SGCZ: variants seen among roughly 807,000 people sequenced by gnomAD.
SGCZ encodes zeta-sarcoglycan.
In SGCZ, 40 loss-of-function variants were observed where a neutral mutation model predicts 41.3. The observed-to-expected ratio is 0.97, with a 90% CI of 0.75 to 1.26. The LOEUF is 1.26. Ranked by LOEUF, SGCZ falls within the 50% of genes most tolerant of loss-of-function variation. The pLI is 0.00. For synonymous variants in SGCZ, 206 were observed against 137.5 expected (o/e 1.50, Z -3.49); for missense variants, 552 against 369.8 (o/e 1.49, Z -4.04).
intron 1 of SGCZ, among the ~76,000 whole-genome samples, chr8:14,748,458 G>A (rs1474141062): frequency 6.6e-6 from 1 of 152,128 alleles, no homozygotes; most frequent in Non-Finnish European, 1.5e-5. Flanking sequence ...GTCAGAGCAA[G>A]AATTTTGCCC....
chr8:14,554,547 C>T (rs1443944405), intron 2 of SGCZ, among the ~76,000 whole-genome samples, 185 bp downstream of exon 2: 3 of 151,964 alleles, frequency 2.0e-5, no homozygotes, highest in Non-Finnish European at 2.9e-5. Context: ...GTAGTAATAG[C>T]ATACGTGTGT....
intron 5 of SGCZ, among the ~76,000 whole-genome samples, chr8:14,156,078 G>A (rs1256933455): frequency 1.3e-5 from 2 of 152,064 alleles, no homozygotes; most frequent in Admixed American, 6.6e-5. Context: ...TGGATGAGTC[G>A]GTGAGTGGTG....
chr8:14,360,157 T>C (rs1803456039), intron 2 of SGCZ, among the ~76,000 whole-genome samples: 1 of 152,068 alleles, frequency 6.6e-6, no homozygotes, highest in Non-Finnish European at 1.5e-5. Context: ...GCTAGTATCA[T>C]ACTTAATGGA....
chr8:14,593,329 C>T (rs1320781329), intron 1 of SGCZ, among the ~76,000 whole-genome samples: 2 of 152,124 alleles, frequency 1.3e-5, no homozygotes, highest in African/African-American at 2.4e-5. Flanking sequence ...GAAATGTAGG[C>T]TGACTTTAGA....
chr8:14,493,213 T>G (rs1054718860), intron 2 of SGCZ, among the ~76,000 whole-genome samples: 1 of 152,012 alleles, frequency 6.6e-6, no homozygotes, highest in Non-Finnish European at 1.5e-5. Context: ...AAATCTGTTC[T>G]TTGTATTTCT....
chr8:14,675,570 T>A (rs923860724), intron 1 of SGCZ, among the ~76,000 whole-genome samples: 6 of 152,208 alleles, frequency 3.9e-5, no homozygotes, highest in African/African-American at 1.4e-4. Flanking sequence ...TGAGAAAATA[T>A]GTTAAATTAC....
intron 3 of SGCZ, among the ~76,000 whole-genome samples, chr8:14,287,307 C>G (rs890541): frequency 0.15 from 22,603 of 151,646 alleles, 1,856 homozygotes; most frequent in Admixed American, 0.22. Flanking sequence ...CAATGTCATA[C>G]TGGGTGTTAT....
At chr8:14,776,047 C>T (rs1353035693) in intron 1 of SGCZ, among the ~76,000 whole-genome samples, 1 of 151,898 alleles carries the variant, frequency 6.6e-6, no homozygotes, top group Non-Finnish European at 1.5e-5. Flanking sequence ...AGTATAGAAA[C>T]AAAATGAAGA....
chr8:14,340,592 T>C (rs577003509), intron 2 of SGCZ, among the ~76,000 whole-genome samples: 1 of 152,250 alleles, frequency 6.6e-6, no homozygotes, highest in South Asian at 2.1e-4. Context: ...TACTTGTAAG[T>C]ACTTGACAAA....
At chr8:14,531,429 TAAC>T (rs1463303737) in intron 2 of SGCZ, among the ~76,000 whole-genome samples, 2 of 151,872 alleles carry the variant, frequency 1.3e-5, no homozygotes. Context: ...GAAAAACCTG[TAAC>T]ATTCCCTCCC....
At chr8:14,807,878 C>A (rs2130526204) in intron 1 of SGCZ, among the ~76,000 whole-genome samples, 1 of 152,210 alleles carries the variant, frequency 6.6e-6, no homozygotes, top group East Asian at 1.9e-4. Context: ...GGTACCAAAA[C>A]AGAGATATAG....
At chr8:14,369,607 A>G (rs1443501391) in intron 2 of SGCZ, among the ~76,000 whole-genome samples, 2 of 152,060 alleles carry the variant, frequency 1.3e-5, no homozygotes, top group Non-Finnish European at 2.9e-5. Flanking sequence ...GTTTGGGAAT[A>G]TGAAAATACC....
chr8:14,108,232 G>C lies in SGCZ; in HGVS notation c.551C>G (p.Thr184Ser), dbSNP rs756519854. The C allele has an allele frequency of 1.2e-6, 2 of 1,614,068 alleles. No individual in the cohort carries two copies. Among genetic ancestry groups the C allele is most frequent in the Non-Finnish European group, 1.7e-6 (2 of 1,179,984 alleles). The part of the protein sequence containing the change: ...IGAEKLKVTG[T>S]EGAVFGHSVE... ...AGAGTGCCCAAATACGGCTCCTTCA[G>C]TGCCTGGGGGTAGCATGAATATAGC... Residue 184 changes from threonine to serine, a missense_variant, in exon 6 of 8, where the codon ACT becomes AGT. Thr to Ser is a moderately conservative substitution (Grantham distance 58). Coordinates refer to ENST00000382080, the MANE Select transcript of SGCZ (RefSeq NM_139167.4).
At chr8:15,081,239 T>C (rs1011074287) in intron 1 of SGCZ, among the ~76,000 whole-genome samples, 4 of 152,184 alleles carry the variant, frequency 2.6e-5, no homozygotes, top group African/African-American at 7.2e-5. Context: ...ATGAAGCTTT[T>C]GTCCAATTTT....
At chr8:15,108,744 T>C (rs1462953917) in intron 1 of SGCZ, among the ~76,000 whole-genome samples, 1 of 152,184 alleles carries the variant, frequency 6.6e-6, no homozygotes, top group Non-Finnish European at 1.5e-5. Flanking sequence ...GAAATCATTA[T>C]TAATATGTAT....
intron 1 of SGCZ, among the ~76,000 whole-genome samples, chr8:15,027,117 G>C (rs960826414): frequency 2.0e-5 from 3 of 152,122 alleles, no homozygotes; most frequent in Non-Finnish European, 4.4e-5. Context: ...TCAGACCATT[G>C]TATCTCTGAA....
At chr8:14,287,606 T>C (rs1483454970) in intron 3 of SGCZ, among the ~76,000 whole-genome samples, 2 of 152,158 alleles carry the variant, frequency 1.3e-5, no homozygotes, top group Non-Finnish European at 1.5e-5. Flanking sequence ...CTAAACATTA[T>C]AGTACTAATG....
At chr8:14,311,188 A>G (rs2116998671) in intron 3 of SGCZ, among the ~76,000 whole-genome samples, 1 of 152,258 alleles carries the variant, frequency 6.6e-6, no homozygotes, top group East Asian at 1.9e-4. Flanking sequence ...ATGCACAGTA[A>G]TTTAGTGTAG....
chr8:14,590,588 T>C (rs1805208699), intron 1 of SGCZ, among the ~76,000 whole-genome samples: 2 of 150,702 alleles, frequency 1.3e-5, no homozygotes, highest in Admixed American at 1.3e-4. Flanking sequence ...TGGACTAGAG[T>C]TTGTTTTAAA....
Sources: gnomAD v4.1 joint callset for allele counts (sites outside exome capture counted in the v4.1 genomes callset) on GRCh38, gnomAD v4.1.1 for gene constraint, MANE v1.5 for transcripts, NCBI Gene and HGNC (gene_info 2026-07-23, HGNC 2026-07-21) for gene names.